Variants in KCNIP1 observed in about 807,000 individuals in gnomAD.
The protein encoded by KCNIP1 is A-type potassium channel modulatory protein KCNIP1.
A neutral mutation model predicts 33.0 loss-of-function variants in KCNIP1; 18 were observed. The observed-to-expected ratio is 0.55, with a 90% CI of 0.38 to 0.81. The LOEUF is 0.81. KCNIP1 is among the 30% of genes least tolerant of loss of function. The pLI is 0.00. For missense variants in KCNIP1, 238 were observed against 271.6 expected, an observed-to-expected ratio of 0.88 and a Z score of 0.87; for synonymous variants, 93 against 98.3, an observed-to-expected ratio of 0.95 and a Z score of 0.32.
intron 1 of KCNIP1, among the ~76,000 whole-genome samples, chr5:170,716,066 A>G (rs1763634813): frequency 6.6e-6 from 1 of 152,206 alleles, no homozygotes; most frequent in South Asian, 2.1e-4. Context: ...ATGTGTCTAC[A>G]GCGGCCAGCA....
rs1187087259 is a variant in KCNIP1 at position 170,562,076 on chromosome 5, G to A, written c.61+57443G>A. Among the ~76,000 whole-genome samples the A allele has an allele frequency of 4.6e-5, 7 of 152,128 alleles. No individual in the cohort carries two copies. In the South Asian group the frequency reaches 6.2e-4, roughly 14 times the overall value. On this transcript the variant is annotated intron_variant, in intron 1 of 7. Coordinates refer to ENST00000328939, the MANE Select transcript of KCNIP1 (RefSeq NM_014592.4). ...CCGTCGTAAGTCAGGGATCATCTGCGTTACATTTTTAAAGACAGACAGAAA... is the reference window on the plus strand; with the variant it reads ...CCGTCGTAAGTCAGGGATCATCTGCATTACATTTTTAAAGACAGACAGAAA...
At chr5:170,679,625 C>CTG (rs1561760037) in intron 1 of KCNIP1, among the ~76,000 whole-genome samples, 1 of 93,728 alleles carries the variant, frequency 1.1e-5, no homozygotes, top group Non-Finnish European at 2.1e-5. Flanking sequence ...ATGTATATGA[C>CTG]AGTGTGTGTG....
At chr5:170,507,754 T>C (rs1754773146) in intron 1 of KCNIP1, among the ~76,000 whole-genome samples, 1 of 152,190 alleles carries the variant, frequency 6.6e-6, no homozygotes. Context: ...CCAACCTGGG[T>C]GTTCAGGGAG....
chr5:170,624,729 A>T lies in KCNIP1; in HGVS notation c.62-94029A>T, dbSNP rs368343099. 3.3e-3 allele frequency among the ~76,000 whole-genome samples: 148 copies of T among 44,922 alleles called. 3 individuals carry two copies. Among genetic ancestry groups the T allele is most frequent in the African/African-American group, 0.011 (135 of 12,566 alleles). 29.5% of individuals were successfully genotyped at this position (44,922 alleles called of 152,430 possible). ...GGGAGGAGAGGAAAGGAGACCGGGG[A>T]GGTGGGGGGGGAGAGGGGAGGGGAG... On this transcript the variant is annotated intron_variant, in intron 1 of 7. Coordinates refer to ENST00000328939, the MANE Select transcript of KCNIP1 (RefSeq NM_014592.4).
intron 1 of KCNIP1, among the ~76,000 whole-genome samples, chr5:170,656,490 C>T (rs1761270080): frequency 6.6e-6 from 1 of 152,166 alleles, no homozygotes; most frequent in Non-Finnish European, 1.5e-5. Flanking sequence ...AGGTCAGGGC[C>T]CCCCAGTGTG....
Position 170,624,319 on chromosome 5 carries a change from T to C in KCNIP1, c.62-94439T>C, listed in dbSNP as rs545217247. Among the ~76,000 whole-genome samples, 3 of 152,264 alleles carry C rather than the reference T, an allele frequency of 2.0e-5. No individual in the cohort carries two copies. In the South Asian group the frequency reaches 6.2e-4, roughly 32 times the overall value. On this transcript the variant is annotated intron_variant, in intron 1 of 7. Coordinates refer to ENST00000328939, the MANE Select transcript of KCNIP1 (RefSeq NM_014592.4). ...CCTTGAAAAAAGGAACAGTCTCTGATCTTGCTGAGCTTAGAGTCAAGTGGA... is the reference window on the plus strand; with the variant it reads ...CCTTGAAAAAAGGAACAGTCTCTGACCTTGCTGAGCTTAGAGTCAAGTGGA...
At chr5:170,734,861 T>TG (rs1764326368) in intron 7 of KCNIP1, among the ~76,000 whole-genome samples, 1 of 152,224 alleles carries the variant, frequency 6.6e-6, no homozygotes. Context: ...CTGACCCCCT[T>TG]GGGGGTGAGT....
At chr5:170,586,151 A>T (rs2113533153) in intron 1 of KCNIP1, among the ~76,000 whole-genome samples, 1 of 152,290 alleles carries the variant, frequency 6.6e-6, no homozygotes, top group Admixed American at 6.5e-5. Context: ...GAGTGTAAAG[A>T]GTTTGTCCCC....
rs180934464 is a variant in KCNIP1 at position 170,394,969 on chromosome 5, G to A, written c.88+41005G>A. ...CTGTGTAATATTCCAAGGTGTATAC[G>A]TAGCACACTGTCTTTATCTAATCTG... On this transcript the variant is annotated intron_variant, in intron 1 of 7. Coordinates refer to the KCNIP1 transcript ENST00000377360. Among the ~76,000 whole-genome samples the A allele has an allele frequency of 1.8e-3, 281 of 152,292 alleles. 1 individual carries two copies. Among genetic ancestry groups the A allele is most frequent in the African/African-American group, 6.4e-3 (264 of 41,538 alleles).
At position 170,557,425 on chromosome 5, in the gene KCNIP1, T is replaced by C. The variant is rs76879320; in HGVS notation, c.61+52792T>C. ...TCCAGTACCTCATGCCTTCTTCCCC[T>C]TCCCTCCTTCTCTCCTGCCTCCCCC... On this transcript the variant is annotated intron_variant, in intron 1 of 7. Coordinates refer to ENST00000328939, the MANE Select transcript of KCNIP1 (RefSeq NM_014592.4). Among the ~76,000 whole-genome samples, 710 of 152,300 alleles carry C rather than the reference T, an allele frequency of 4.7e-3. 5 individuals are homozygous for C. The highest frequency in any genetic ancestry group is 0.016 in the African/African-American group (672 of 41,576).
chr5:170,557,411 A>G (rs185185176), intron 1 of KCNIP1, among the ~76,000 whole-genome samples: 9 of 152,252 alleles, frequency 5.9e-5, no homozygotes, highest in Non-Finnish European at 1.2e-4. Context: ...CCAGTACCTC[A>G]TGCCTTCTTC....
intron 1 of KCNIP1, among the ~76,000 whole-genome samples, chr5:170,372,933 G>A (rs1763885849): frequency 6.6e-6 from 1 of 152,152 alleles, no homozygotes; most frequent in Non-Finnish European, 1.5e-5. Context: ...GGAGATTATG[G>A]GAGAACAGAG....
chr5:170,655,379 A>G (rs73803511), intron 1 of KCNIP1, among the ~76,000 whole-genome samples: 1,786 of 152,274 alleles, frequency 0.012, 40 homozygotes, highest in African/African-American at 0.04. Context: ...AAGGCCAAGG[A>G]AGGCATAATT....
At chr5:170,539,841 T>C (rs539438154) in intron 1 of KCNIP1, among the ~76,000 whole-genome samples, 4 of 152,270 alleles carry the variant, frequency 2.6e-5, no homozygotes, top group African/African-American at 9.6e-5. Flanking sequence ...TCTTTGGTTA[T>C]GGCCCAAAAA....
intron 1 of KCNIP1, chr5:170,378,583 G>T: frequency 9.7e-7 from 1 of 1,030,856 alleles, no homozygotes; most frequent in Non-Finnish European, 1.4e-6. Flanking sequence ...AGACAGCGTG[G>T]ATTGGACTGG....
At chr5:170,656,590 C>T (rs1443421872) in intron 1 of KCNIP1, among the ~76,000 whole-genome samples, 1 of 152,222 alleles carries the variant, frequency 6.6e-6, no homozygotes, top group Non-Finnish European at 1.5e-5. Flanking sequence ...CCATTGGCTG[C>T]ATCCTGTTAG....
intron 1 of KCNIP1, among the ~76,000 whole-genome samples, chr5:170,562,083 T>A (rs1757052121): frequency 1.3e-5 from 2 of 152,304 alleles, no homozygotes; most frequent in South Asian, 4.1e-4. Flanking sequence ...TGCGTTACAT[T>A]TTTAAAGACA....
chr5:170,405,202 C>CT (rs143434896), intron 1 of KCNIP1, among the ~76,000 whole-genome samples: 43,261 of 148,908 alleles, frequency 0.29, 6,224 homozygotes, highest in South Asian at 0.36. Context: ...ATTTTCTTTT[C>CT]TTTTTTTTTT....
intron 1 of KCNIP1, among the ~76,000 whole-genome samples, chr5:170,442,617 C>T (rs1038084584): frequency 2.6e-5 from 4 of 151,972 alleles, no homozygotes; most frequent in African/African-American, 9.7e-5. Flanking sequence ...GGTCACTACA[C>T]TCAGGAGTTT....
Sources: allele counts gnomAD v4.1 joint callset (sites outside exome capture counted in the v4.1 genomes callset), GRCh38; gene constraint gnomAD v4.1.1; transcripts MANE v1.5; gene names NCBI Gene and HGNC (gene_info 2026-07-23, HGNC 2026-07-21).